DET1: variants seen among roughly 807,000 people sequenced by gnomAD.
The protein encoded by DET1 is DET1 homolog.
DET1 carries 22 observed loss-of-function variants against 43.7 expected under a neutral mutation model. The ratio of observed to expected loss-of-function variants is 0.50; its 90% CI spans 0.36 to 0.72. The LOEUF (loss-of-function observed/expected upper bound fraction) is 0.72, where lower values mean the gene tolerates loss of function less well. Ranked by LOEUF, DET1 falls within the 30% of genes least tolerant of loss-of-function variation. The probability of loss-of-function intolerance (pLI) is 0.00; values close to 1 mark genes in which losing one functional copy is unlikely to be tolerated. For synonymous variants in DET1, 315 were observed against 266.2 expected, an observed-to-expected ratio of 1.18 and a Z score of -1.79; for missense variants, 713 against 713.3, an observed-to-expected ratio of 1.00 and a Z score of 0.00.
Position 88,527,711 on chromosome 15 carries a change from A to G in DET1, c.1159T>C (p.Leu387=). The G allele has an allele frequency of 1.2e-6, 2 of 1,613,928 alleles. No homozygotes were observed. The highest frequency in any genetic ancestry group is 1.6e-4 in the Middle Eastern group (1 of 6,062). Residue 387 remains leucine, a synonymous_variant, in exon 3 of 5, where the codon TTG becomes CTG. Coordinates refer to ENST00000268148, the MANE Select transcript of DET1 (RefSeq NM_001144074.3). Reference sequence around the variant, plus strand: ...TCACAGAAGTTCTCAAAGAGCTCCAAAAGCTCATCTGATGTATTCTCAAAC... The same window carrying G: ...TCACAGAAGTTCTCAAAGAGCTCCAGAAGCTCATCTGATGTATTCTCAAAC... ...AVFENTSDEL[L]ELFENFCDLF...
intron 3 of DET1, among the ~76,000 whole-genome samples, chr15:88,519,272 G>C (rs1178273602): frequency 1.3e-5 from 2 of 151,958 alleles, no homozygotes; most frequent in East Asian, 3.9e-4. Context: ...TCACACTTTA[G>C]TTCCTGCCCC....
At chr15:88,543,135 G>A (rs1004907379) in intron 1 of DET1, among the ~76,000 whole-genome samples, 3 of 152,272 alleles carry the variant, frequency 2.0e-5, no homozygotes, top group Non-Finnish European at 2.9e-5. Context: ...ATACCTCAAA[G>A]CCTTTTCATC....
intron 1 of DET1, among the ~76,000 whole-genome samples, chr15:88,543,220 G>A (rs1286109409): frequency 6.6e-6 from 1 of 152,156 alleles, no homozygotes; most frequent in African/African-American, 2.4e-5. Flanking sequence ...ACACCCAATG[G>A]CTTATTTATC....
intron 1 of DET1, among the ~76,000 whole-genome samples, chr15:88,543,036 T>C (rs1282492190): frequency 6.6e-6 from 1 of 152,228 alleles, no homozygotes; most frequent in Non-Finnish European, 1.5e-5. Context: ...TAAGAGGTAA[T>C]GGCCCATTGA....
chr15:88,512,064 G>T (rs1210148957), downstream of DET1, among the ~76,000 whole-genome samples: 1 of 152,342 alleles, frequency 6.6e-6, no homozygotes, highest in South Asian at 2.1e-4. Flanking sequence ...GGCTGTGATG[G>T]CTCAGCCATC....
At chr15:88,521,731 C>T (rs954655063) in intron 3 of DET1, among the ~76,000 whole-genome samples, 40 of 152,034 alleles carry the variant, frequency 2.6e-4, no homozygotes, top group African/African-American at 8.9e-4. Flanking sequence ...TGACTTCAAG[C>T]TTTCAGTATT....
intron 1 of DET1, chr15:88,536,513 C>T (rs2142325635): frequency 1.9e-6 from 1 of 522,276 alleles, no homozygotes; most frequent in African/African-American, 2.0e-5. Context: ...GGTGCAGTGG[C>T]TCACGCCTGT....
At chr15:88,538,859 G>A (rs2057020397) in intron 1 of DET1, among the ~76,000 whole-genome samples, 1 of 152,210 alleles carries the variant, frequency 6.6e-6, no homozygotes, top group Non-Finnish European at 1.5e-5. Flanking sequence ...CCCGGGGTCA[G>A]GTAGGTCAGA....
intron 1 of DET1, among the ~76,000 whole-genome samples, chr15:88,539,385 AG>A (rs2057039834): frequency 6.8e-6 from 1 of 147,278 alleles, no homozygotes. Context: ...AAGTCCCCTC[AG>A]GGGAAGTGAC....
At chr15:88,538,816 TA>T (rs1306394792) in intron 1 of DET1, among the ~76,000 whole-genome samples, 1 of 152,156 alleles carries the variant, frequency 6.6e-6, no homozygotes, top group Non-Finnish European at 1.5e-5. Flanking sequence ...GTCAGTGCCT[TA>T]AAATTCAACA....
chr15:88,531,325 C>T lies in DET1; in HGVS notation c.381G>A (p.Leu127=). ...TGGCCGCAACATTGGTAATGTGCAG[C>T]AGGACAAAAAAGCGTTCAAAGAGCC... The part of the protein sequence containing the change: ...RGRLFERFFV[L]LHITNVAANG... Residue 127 remains leucine (L), a synonymous_variant, in exon 2 of 5, where the codon CTG becomes CTA. Coordinates refer to ENST00000268148, the MANE Select transcript of DET1 (RefSeq NM_001144074.3). The surrounding 1 kb of genome is among the most constrained non-coding windows in gnomAD (Gnocchi z 6.2). 1 of 1,613,954 alleles carries T rather than the reference C, an allele frequency of 6.2e-7. No homozygotes were observed. Among genetic ancestry groups the T allele is most frequent in the Non-Finnish European group, 8.5e-7 (1 of 1,179,876 alleles).
At chr15:88,517,925 A>G (rs1336667603) in intron 3 of DET1, among the ~76,000 whole-genome samples, 4 of 152,030 alleles carry the variant, frequency 2.6e-5, no homozygotes, top group African/African-American at 4.8e-5. Flanking sequence ...ACTGTCACAA[A>G]TGCTAAATTT....
Position 88,512,539 on chromosome 15 carries a change from G to A in DET1, c.*412C>T. Reference sequence around the variant, plus strand: ...CTTAAAAAGATAGCCGTGCTTATGAGCTAAATGGAAAGGATGTATGTCATT... The same window carrying A: ...CTTAAAAAGATAGCCGTGCTTATGAACTAAATGGAAAGGATGTATGTCATT... On this transcript the variant is annotated 3_prime_UTR_variant, in exon 5 of 5. Transcript: ENST00000268148. 1.0e-6 allele frequency: 1 copy of A among 991,282 alleles called. No homozygotes were observed. The highest frequency in any genetic ancestry group is 1.2e-6 in the Non-Finnish European group (1 of 833,746). The allele number at this position is 991,282 out of a possible 1,614,324, so 61.4% of individuals were successfully genotyped here. A position where few individuals can be genotyped will look rare whatever the true frequency, so the allele number is the denominator to read the frequency against.
At chr15:88,527,848 T>C in intron 2 of DET1, 62 bp from the exon 3 acceptor site, 1 of 1,265,390 alleles carries the variant, frequency 7.9e-7, no homozygotes, top group East Asian at 2.9e-5. Context: ...GTAGGAAACT[T>C]AGCACTTATT....
intron 1 of DET1, among the ~76,000 whole-genome samples, chr15:88,538,639 A>G (rs186657406): frequency 1.3e-5 from 2 of 152,208 alleles, no homozygotes; most frequent in Admixed American, 1.3e-4. Context: ...CCCGGGTACA[A>G]CATAATGGAG....
rs1187562356 is a variant in DET1, at chr15:88,512,808, CCTCT to C, written c.*139_*142del. On this transcript the variant is annotated 3_prime_UTR_variant, in exon 5 of 5. Coordinates refer to ENST00000268148, the MANE Select transcript of DET1 (RefSeq NM_001144074.3). ...TCCATTAGGTTGAGCCACCCTCACTCCTCTCTCTGGCTCTCTCCCATCTGAGGTA... is the reference window on the plus strand; with the variant it reads ...TCCATTAGGTTGAGCCACCCTCACTCCTCTGGCTCTCTCCCATCTGAGGTA... 7.7e-6 allele frequency: 11 copies of C among 1,420,534 alleles called. No homozygotes were observed. The African/African-American group carries it at 1.6e-4, about 20-fold the overall frequency. 88.0% of individuals were successfully genotyped at this position (1,420,534 alleles called of 1,614,324 possible).
chr15:88,536,363 C>T (rs1048196359), intron 1 of DET1: 7 of 777,992 alleles, frequency 9.0e-6, no homozygotes, highest in Non-Finnish European at 1.7e-5. Context: ...GGTCTAATTC[C>T]TTGCTGTATT....
Position 88,530,951 on chromosome 15 carries a change from T to C in DET1, c.755A>G (p.Asp252Gly), listed in dbSNP as rs761273660. The change falls in exon 2 of 5, where the codon GAT becomes GGT. Residue 252 changes from aspartate to glycine, a missense_variant. Transcript: ENST00000268148. ...GCAAAAGCGGCCAATGGTCCGCACA[T>C]CAATGAAAGTGCCTTCAGGAGTCAC... The part of the protein sequence containing the change: ...FQVTPEGTFI[D>G]VRTIGRFCYE... 1 of 1,613,950 alleles carries C rather than the reference T, an allele frequency of 6.2e-7. No individual in the cohort carries two copies. The highest frequency in any genetic ancestry group is 8.5e-7 in the Non-Finnish European group (1 of 1,179,888).
chr15:88,532,020 G>A (rs142404310), intron 1 of DET1: 16 of 239,372 alleles, frequency 6.7e-5, no homozygotes, highest in African/African-American at 2.7e-4. Context: ...AGACACATTC[G>A]GCTGGGCGCA....
Sources: gnomAD v4.1 joint callset for allele counts (sites outside exome capture counted in the v4.1 genomes callset) on GRCh38, gnomAD v4.1.1 for gene constraint, Gnocchi (gnomAD v3.1) non-coding constraint, MANE v1.5 for transcripts, NCBI Gene and HGNC (gene_info 2026-07-23, HGNC 2026-07-21) for gene names.